Variants in DLG2 observed in about 807,000 individuals in gnomAD.
DLG2 encodes discs large MAGUK scaffold protein 2.
Under a neutral mutation model 132.5 loss-of-function variants are expected in DLG2, and 45 were observed. That is an observed-to-expected ratio of 0.34 (90% confidence interval 0.27 to 0.44). The LOEUF is 0.44. Among genes scored for constraint, DLG2 ranks in the 20% least tolerant of loss-of-function variants. DLG2 has a pLI of 1.00. For missense variants in DLG2, 1,045 were observed against 1,196.9 expected, an observed-to-expected ratio of 0.87 and a Z score of 1.87; for synonymous variants, 424 against 419.6, an observed-to-expected ratio of 1.01 and a Z score of -0.13.
chr11:84,467,297 AC>A (rs2099097092), intron 7 of DLG2, among the ~76,000 whole-genome samples: 1 of 151,428 alleles, frequency 6.6e-6, no homozygotes, highest in Non-Finnish European at 1.5e-5. Context: ...TGATTTTTAC[AC>A]CAACTTCTTA....
chr11:85,083,081 C>T (rs1397123884), intron 6 of DLG2, among the ~76,000 whole-genome samples: 1 of 152,116 alleles, frequency 6.6e-6, no homozygotes, highest in African/African-American at 2.4e-5. Context: ...CAAACTCACC[C>T]TCCCTGTTGG....
At chr11:85,132,443 T>C (rs183163922) in intron 5 of DLG2, among the ~76,000 whole-genome samples, 4 of 152,178 alleles carry the variant, frequency 2.6e-5, no homozygotes, top group African/African-American at 9.6e-5. Flanking sequence ...CTGATGTGTA[T>C]GTGCTACACT....
intron 7 of DLG2, among the ~76,000 whole-genome samples, chr11:84,346,051 T>C (rs1443992254): frequency 6.6e-6 from 1 of 152,220 alleles, no homozygotes; most frequent in African/African-American, 2.4e-5. Flanking sequence ...CAGAAACCTG[T>C]AGTATTTTAT....
chr11:84,031,232 T>TAAAAA (rs34137957), intron 11 of DLG2, among the ~76,000 whole-genome samples: 1 of 138,642 alleles, frequency 7.2e-6, no homozygotes, highest in Non-Finnish European at 1.5e-5. Flanking sequence ...TCCAGAAAGG[T>TAAAAA]AAAAAAAAAA....
intron 11 of DLG2, among the ~76,000 whole-genome samples, chr11:84,020,307 A>G (rs1332367853): frequency 2.0e-5 from 3 of 152,196 alleles, no homozygotes; most frequent in Non-Finnish European, 4.4e-5. Context: ...GAATATGTGT[A>G]TGTTACGAAA....
At chr11:84,371,175 A>G (rs549651415) in intron 7 of DLG2, among the ~76,000 whole-genome samples, 14 of 152,150 alleles carry the variant, frequency 9.2e-5, no homozygotes, top group Non-Finnish European at 7.4e-5. Flanking sequence ...ATATGGCACT[A>G]TTTCACTATT....
rs59301159 is a variant in DLG2 at position 84,784,143 on chromosome 11, C to CAAAAAAAAAAAAA, written c.358-249425_358-249413dup. 5.8e-4 allele frequency among the ~76,000 whole-genome samples: 5 copies of CAAAAAAAAAAAAA among 8,656 alleles called. 1 individual carries two copies. Among genetic ancestry groups the CAAAAAAAAAAAAA allele is most frequent in the African/African-American group, 9.5e-4 (2 of 2,114 alleles). 5.7% of individuals were successfully genotyped at this position (8,656 alleles called of 152,430 possible). A position where few individuals can be genotyped will look rare whatever the true frequency, so the allele number is the denominator to read the frequency against. On this transcript the variant is annotated intron_variant, in intron 6 of 27. Transcript: ENST00000376104. ...TGAAACCCCATCTCTACTAAAAATG[C>CAAAAAAAAAAAAA]AAAAAAAAAAAAAAAAAAAAAAAAA...
chr11:84,764,877 T>C (rs1425784591), intron 6 of DLG2, among the ~76,000 whole-genome samples: 2 of 151,942 alleles, frequency 1.3e-5, no homozygotes, highest in Admixed American at 6.6e-5. Context: ...AAAGGGGAAA[T>C]GTAGGCAGGT....
chr11:85,390,913 CAGA>C (rs1281714704), intron 3 of DLG2, among the ~76,000 whole-genome samples: 1 of 151,826 alleles, frequency 6.6e-6, no homozygotes, highest in African/African-American at 2.4e-5. Flanking sequence ...AACCCACACA[CAGA>C]AGAAGAAAAT....
chr11:84,877,473 T>C (rs1053863981), intron 6 of DLG2, among the ~76,000 whole-genome samples: 1 of 148,964 alleles, frequency 6.7e-6, no homozygotes, highest in African/African-American at 2.5e-5. Flanking sequence ...TTTGTTGGTT[T>C]AAAGTCTGTT....
intron 18 of DLG2, among the ~76,000 whole-genome samples, chr11:83,737,409 T>C (rs1479149939): frequency 6.6e-6 from 1 of 152,214 alleles, no homozygotes; most frequent in Non-Finnish European, 1.5e-5. Flanking sequence ...TTCATATTGA[T>C]TGGTTCTATT....
chr11:85,032,722 A>C (rs1254684506), intron 6 of DLG2, among the ~76,000 whole-genome samples: 1 of 152,222 alleles, frequency 6.6e-6, no homozygotes, highest in African/African-American at 2.4e-5. Flanking sequence ...ATAGGTTTAA[A>C]AGTGTGTTTA....
At chr11:84,690,205 G>T (rs906678379) in intron 6 of DLG2, among the ~76,000 whole-genome samples, 4 of 151,766 alleles carry the variant, frequency 2.6e-5, no homozygotes, top group Non-Finnish European at 5.9e-5. Flanking sequence ...ATCAGTTTTA[G>T]ATATTTATTG....
At chr11:85,243,350 C>T (rs1185291284) in intron 4 of DLG2, among the ~76,000 whole-genome samples, 7 of 151,942 alleles carry the variant, frequency 4.6e-5, no homozygotes, top group Admixed American at 1.3e-4. Flanking sequence ...TTCAGAGATT[C>T]TATTTCATTC....
chr11:83,737,154 A>G (rs1017200335), intron 18 of DLG2, among the ~76,000 whole-genome samples: 2 of 152,230 alleles, frequency 1.3e-5, no homozygotes, highest in Non-Finnish European at 2.9e-5. Flanking sequence ...ACTTAGAACA[A>G]AAGGGTTTAG....
chr11:84,273,338 ATC>A (rs2097755511), intron 7 of DLG2: 11 of 1,334,438 alleles, frequency 8.2e-6, no homozygotes, highest in Non-Finnish European at 1.1e-5. Context: ...AACCCTGCAG[ATC>A]TGTTACATAA....
intron 9 of DLG2, among the ~76,000 whole-genome samples, chr11:84,148,669 T>C (rs2154248301): frequency 6.6e-6 from 1 of 152,286 alleles, no homozygotes; most frequent in South Asian, 2.1e-4. Context: ...AATAGTGCTG[T>C]GATAAATATA....
intron 6 of DLG2, among the ~76,000 whole-genome samples, chr11:84,808,324 CAGTT>C (rs942917941): frequency 1.3e-5 from 2 of 151,972 alleles, no homozygotes; most frequent in African/African-American, 4.8e-5. Flanking sequence ...TTATGGGACA[CAGTT>C]AAAGTCACCC....
chr11:85,194,463 A>G (rs1408913627), intron 4 of DLG2, among the ~76,000 whole-genome samples: 2 of 152,098 alleles, frequency 1.3e-5, no homozygotes, highest in Non-Finnish European at 2.9e-5. Flanking sequence ...GTATTTACCC[A>G]TCTTACTGAT....
Sources: gnomAD v4.1 joint callset for allele counts (sites outside exome capture counted in the v4.1 genomes callset) on GRCh38, gnomAD v4.1.1 for gene constraint, MANE v1.5 for transcripts, NCBI Gene and HGNC (gene_info 2026-07-23, HGNC 2026-07-21) for gene names.